Variants in MYT1L observed in about 807,000 individuals in gnomAD.
MYT1L encodes the protein myelin transcription factor 1-like protein.
In MYT1L, 12 loss-of-function variants were observed where a neutral mutation model predicts 126.7. The observed-to-expected ratio is 0.09, with a 90% CI of 0.06 to 0.15. The LOEUF (loss-of-function observed/expected upper bound fraction) is 0.15, where lower values mean the gene tolerates loss of function less well. MYT1L is among the 10% of genes least tolerant of loss of function. The pLI is 1.00. For missense variants in MYT1L, 979 were observed against 1,585.2 expected, an observed-to-expected ratio of 0.62 and a Z score of 6.49; for synonymous variants, 541 against 604.2, an observed-to-expected ratio of 0.90 and a Z score of 1.53.
chr2:2,159,165 AG>A (rs201495599), intron 3 of MYT1L, among the ~76,000 whole-genome samples: 2,210 of 152,220 alleles, frequency 0.015, 54 homozygotes, highest in African/African-American at 0.051. Flanking sequence ...TTGGTGAAGC[AG>A]GGGGCTGTCG....
intron 18 of MYT1L, among the ~76,000 whole-genome samples, chr2:1,855,450 A>T (rs1265641429): frequency 6.6e-6 from 1 of 152,212 alleles, no homozygotes; most frequent in East Asian, 1.9e-4. Flanking sequence ...CTGGGTTTCC[A>T]TGGAAACGGC....
At chr2:2,301,869 A>G (rs1000261395) in intron 1 of MYT1L, among the ~76,000 whole-genome samples, 1 of 151,746 alleles carries the variant, frequency 6.6e-6, no homozygotes, top group Non-Finnish European at 1.5e-5. Context: ...ATATGGTCAT[A>G]TCATAGAGAT....
intron 3 of MYT1L, among the ~76,000 whole-genome samples, chr2:2,069,731 C>T (rs1363697375): frequency 1.3e-5 from 2 of 151,986 alleles, no homozygotes; most frequent in East Asian, 4.0e-4. Flanking sequence ...TCTCCAGTAC[C>T]TGTTATTTCC....
At chr2:2,047,858 C>T (rs725311) in intron 4 of MYT1L, among the ~76,000 whole-genome samples, 1,979 of 152,092 alleles carry the variant, frequency 0.013, 40 homozygotes, top group African/African-American at 0.046. Context: ...GGAGAAAATA[C>T]GAAACAGTGA....
chr2:1,839,412 C>T (rs767499945), intron 20 of MYT1L, 42 bp from the exon 21 acceptor site: 17 of 1,558,980 alleles, frequency 1.1e-5, no homozygotes, highest in South Asian at 6.9e-5. Context: ...GTCTGGCCAC[C>T]GTCGCCTGGT....
At chr2:2,252,241 C>T (rs149184801) in intron 2 of MYT1L, among the ~76,000 whole-genome samples, 4 of 152,270 alleles carry the variant, frequency 2.6e-5, no homozygotes, top group Non-Finnish European at 5.9e-5. Context: ...CCTCTGCTTA[C>T]CTCTGTTTGT....
At chr2:2,029,049 T>C (rs1320909051) in intron 4 of MYT1L, among the ~76,000 whole-genome samples, 1 of 152,188 alleles carries the variant, frequency 6.6e-6, no homozygotes, top group Admixed American at 6.5e-5. Flanking sequence ...AACTCAAGTA[T>C]TACAGAACTT....
chr2:1,976,265 G>A (rs1308471543), intron 8 of MYT1L, among the ~76,000 whole-genome samples: 2 of 152,224 alleles, frequency 1.3e-5, no homozygotes, highest in African/African-American at 4.8e-5. Context: ...TGTTCACAGA[G>A]GGTGTGCCGG....
chr2:1,894,740 A>C (rs2049362349), intron 14 of MYT1L, among the ~76,000 whole-genome samples: 1 of 152,192 alleles, frequency 6.6e-6, no homozygotes, highest in Admixed American at 6.5e-5. Flanking sequence ...GCAACCTTGC[A>C]CTCAGCGTTG....
At chr2:1,824,701 G>C (rs556191005) in intron 21 of MYT1L, 1 of 151,450 alleles carries the variant, frequency 6.6e-6, no homozygotes, top group African/African-American at 2.5e-5. Context: ...GGAGGACTCC[G>C]CAGTATCCCG....
chr2:2,022,429 C>A (rs1416777275), intron 4 of MYT1L, among the ~76,000 whole-genome samples: 2 of 152,116 alleles, frequency 1.3e-5, no homozygotes, highest in East Asian at 1.9e-4. Context: ...AGTTCCACAG[C>A]ATTAATTTTA....
chr2:2,276,271 C>A (rs780841927), intron 2 of MYT1L, among the ~76,000 whole-genome samples: 9 of 152,204 alleles, frequency 5.9e-5, no homozygotes, highest in Admixed American at 1.3e-4. Flanking sequence ...TGACACATTT[C>A]TCAGGGCCTG....
intron 21 of MYT1L, among the ~76,000 whole-genome samples, chr2:1,826,399 G>A (rs978882479): frequency 6.6e-6 from 1 of 152,190 alleles, no homozygotes; most frequent in Admixed American, 6.5e-5. Flanking sequence ...AGTGCTTCAG[G>A]AGGGAATCTT....
At chr2:2,058,965 A>G (rs540185394) in intron 3 of MYT1L, among the ~76,000 whole-genome samples, 37 of 152,356 alleles carry the variant, frequency 2.4e-4, no homozygotes, top group Non-Finnish European at 4.7e-4. Flanking sequence ...CAACAAAACT[A>G]TAGATCTTAC....
At chr2:2,320,882 T>TC (rs1389224647) in intron 1 of MYT1L, among the ~76,000 whole-genome samples, 1 of 151,988 alleles carries the variant, frequency 6.6e-6, no homozygotes, top group Non-Finnish European at 1.5e-5. Flanking sequence ...TATAATCATT[T>TC]CCCCCTCGCT....
intron 19 of MYT1L, among the ~76,000 whole-genome samples, chr2:1,846,586 A>G (rs1222652838): frequency 6.6e-6 from 1 of 152,116 alleles, no homozygotes; most frequent in African/African-American, 2.4e-5. Context: ...GATTATGAGA[A>G]ACTGGAGGAT....
chr2:2,217,656 A>T (rs183319471), intron 2 of MYT1L, among the ~76,000 whole-genome samples: 6 of 147,184 alleles, frequency 4.1e-5, no homozygotes, highest in African/African-American at 1.5e-4. Flanking sequence ...GGGGGACAGA[A>T]CAAAACTCCA....
intron 2 of MYT1L, among the ~76,000 whole-genome samples, chr2:2,182,758 T>A (rs1000249971): frequency 1.3e-5 from 2 of 152,214 alleles, no homozygotes; most frequent in African/African-American, 2.4e-5. Context: ...TGGGAATTGC[T>A]GGCTTCCTAC....
At chr2:2,328,362 C>T (rs1469463485) in intron 1 of MYT1L, among the ~76,000 whole-genome samples, 1 of 152,076 alleles carries the variant, frequency 6.6e-6, no homozygotes, top group Non-Finnish European at 1.5e-5. Context: ...ATAACAGGGA[C>T]AGTGAAAACA....
Sources: gnomAD v4.1 joint callset for allele counts (sites outside exome capture counted in the v4.1 genomes callset) on GRCh38, gnomAD v4.1.1 for gene constraint, MANE v1.5 for transcripts, NCBI Gene and HGNC (gene_info 2026-07-23, HGNC 2026-07-21) for gene names.